Variants in VIL1 observed in about 807,000 individuals in gnomAD.
VIL1 encodes the protein villin 1, also known as villin-1.
In VIL1, 86 loss-of-function variants were observed where a neutral mutation model predicts 104.0. The observed-to-expected ratio is 0.83, with a 90% CI of 0.69 to 0.99. VIL1 has a LOEUF of 0.99. VIL1 is among the 50% of genes least tolerant of loss of function. The pLI is 0.00. For missense variants in VIL1, 944 were observed against 1,054.1 expected (o/e 0.90, Z 1.45); for synonymous variants, 394 against 412.6 (o/e 0.95, Z 0.55).
In VIL1 at chr2:218,436,769, G is replaced by A. The variant is rs1689198403; in HGVS notation, c.1971+143G>A. On this transcript the variant is annotated intron_variant, in intron 16 of 19. Coordinates refer to ENST00000248444, the MANE Select transcript of VIL1 (RefSeq NM_007127.3). ...CCTGGAAATGGTATGAACACCAGAAGTGTAAGAAAGAAGGAAGGTGGGGAG... is the reference window on the plus strand; with the variant it reads ...CCTGGAAATGGTATGAACACCAGAAATGTAAGAAAGAAGGAAGGTGGGGAG... The A allele has an allele frequency of 2.7e-6, 3 of 1,109,616 alleles. No homozygotes were observed. In the South Asian group the frequency reaches 4.8e-5, roughly 18 times the overall value. 68.7% of individuals were successfully genotyped at this position (1,109,616 alleles called of 1,614,324 possible).
rs558288904 is a variant in VIL1, at chr2:218,435,454, G to C, written c.1826+20G>C. 8.1e-6 allele frequency: 13 copies of C among 1,610,016 alleles called. No homozygotes were observed. In the African/African-American group the frequency reaches 1.1e-4, roughly 13 times the overall value. The stretch of plus-strand genomic sequence containing the variant: ...CAAGAGGTAACTCTCAGGTCCCTCC[G>C]CCTCCAGGTTACCAAGGTGGGGGAG... On this transcript the variant is annotated intron_variant, in intron 15 of 19. Coordinates refer to ENST00000248444, the MANE Select transcript of VIL1 (RefSeq NM_007127.3).
At chr2:218,431,706 C>G (rs1475070590) in intron 10 of VIL1, 151 bp from the exon 11 acceptor site, 3 of 684,280 alleles carry the variant, frequency 4.4e-6, no homozygotes, top group Middle Eastern at 2.8e-4. Context: ...CTGCCACATT[C>G]TGTGCAACCA....
At chr2:218,423,606 C>G (rs1399731062) in intron 1 of VIL1, among the ~76,000 whole-genome samples, 162 bp from the exon 2 acceptor site, 2 of 152,090 alleles carry the variant, frequency 1.3e-5, no homozygotes, top group Non-Finnish European at 2.9e-5. Flanking sequence ...GGATTTGGTA[C>G]TAAACAAGCG....
chr2:218,432,894 G>A lies in VIL1; in HGVS notation c.1443G>A (p.Met481Ile). The A allele has an allele frequency of 6.2e-7, 1 of 1,614,204 alleles. No homozygotes were observed. The highest frequency in any genetic ancestry group is 8.5e-7 in the Non-Finnish European group (1 of 1,180,040). ...NGEPVQIRVPMGKEPPHLMSI... is the reference protein window; with the variant it reads ...NGEPVQIRVPIGKEPPHLMSI... The stretch of plus-strand genomic sequence containing the variant: ...AACCAGTCCAGATCCGGGTCCCAAT[G>A]GGCAAGGAGCCACCTCATCTTATGT... The change falls in exon 13 of 20, where the codon ATG (methionine) becomes ATA (isoleucine). Residue 481 changes from methionine to isoleucine, a missense_variant. Physicochemically the swap from Met to Ile is conservative, Grantham distance 10 (BLOSUM62 1). Transcript: ENST00000248444.
At chr2:218,426,211 T>G (rs1336149881) in intron 4 of VIL1, among the ~76,000 whole-genome samples, 1 of 152,026 alleles carries the variant, frequency 6.6e-6, no homozygotes, top group Non-Finnish European at 1.5e-5. Context: ...CCATCTCTAA[T>G]GCAGGCCTAT....
rs140557536 is a variant in VIL1 at position 218,432,171 on chromosome 2, C to T, written c.1329C>T (p.Leu443=). 33 of 1,613,046 alleles carry T rather than the reference C, an allele frequency of 2.0e-5. 1 individual carries two copies. The Admixed American group carries it at 3.2e-4, about 15-fold the overall frequency. Residue 443 remains leucine, a synonymous_variant, in exon 12 of 20, where the codon CTC becomes CTT. Coordinates refer to ENST00000248444, the MANE Select transcript of VIL1 (RefSeq NM_007127.3). ...TCGGCGAGAAGCAGCATTACCTGCT[C>T]TACGTTTGGCAGGTCAGGTCCCGCC... is the stretch of plus-strand genomic sequence containing the variant. ...YLIGEKQHYL[L]YVWQGSQASQ...
Position 218,453,055 on chromosome 2 carries a change from T to A in VIL1, c.*3719T>A, listed in dbSNP as rs1381326987. On this transcript the variant is annotated 3_prime_UTR_variant, in exon 20 of 20. Coordinates refer to ENST00000248444, the MANE Select transcript of VIL1 (RefSeq NM_007127.3). ...TTGGAACATTCATTACAATAAGGTA[T>A]ATAGGTAGATGGTAGGAGGCAAAGC... 2.6e-5 allele frequency: 4 copies of A among 152,196 alleles called. No individual in the cohort carries two copies. The highest frequency in any genetic ancestry group is 4.8e-5 in the African/African-American group (2 of 41,436). 9.4% of individuals were successfully genotyped at this position (152,196 alleles called of 1,614,324 possible).
rs145460738 is a variant in VIL1, at chr2:218,420,009, G to A, written c.-12+841G>A. Reference sequence around the variant, plus strand: ...GAGGATGTCCTTTGTCTGAGGGGTGGGACTTCACCCCCACTGCCCCACCAC... The same window carrying A: ...GAGGATGTCCTTTGTCTGAGGGGTGAGACTTCACCCCCACTGCCCCACCAC... On this transcript the variant is annotated intron_variant, in intron 1 of 19. Transcript: ENST00000248444. 1.5e-4 allele frequency among the ~76,000 whole-genome samples: 23 copies of A among 152,270 alleles called. 1 individual carries two copies. Among genetic ancestry groups the A allele is most frequent in the African/African-American group, 4.8e-4 (20 of 41,558 alleles).
At chr2:218,436,226 T>C (rs1689186399) in intron 15 of VIL1, among the ~76,000 whole-genome samples, 1 of 152,092 alleles carries the variant, frequency 6.6e-6, no homozygotes, top group African/African-American at 2.4e-5. Context: ...GTAGGAGGGA[T>C]GGAGGGAAGA....
intron 1 of VIL1, among the ~76,000 whole-genome samples, chr2:218,420,550 G>T (rs978007705): frequency 6.6e-6 from 1 of 150,562 alleles, no homozygotes; most frequent in East Asian, 1.9e-4. Context: ...CCATCCCACA[G>T]TTCAGCCTTT....
rs1175590572 is a variant in VIL1, at chr2:218,425,650, C to A, written c.186C>A (p.Ile62=). The change falls in exon 4 of 20, where the codon ATC becomes ATA. Residue 62 remains isoleucine (I), a synonymous_variant. Transcript: ENST00000248444. ...HKTASSLSYD[I]HYWIGQDSSL... ...CAGCCAGCAGCCTGTCCTATGACAT[C>A]CACTACTGGATTGGCCAGGACTCAT... is the stretch of plus-strand genomic sequence containing the variant. The A allele has an allele frequency of 6.2e-7, 1 of 1,614,090 alleles. No homozygotes were observed.
Position 218,449,557 on chromosome 2 carries a change from G to T in VIL1, c.*221G>T. 2.2e-6 allele frequency: 1 copy of T among 450,844 alleles called. No homozygotes were observed. Among genetic ancestry groups the T allele is most frequent in the East Asian group, 4.2e-5 (1 of 23,868 alleles). The allele number at this position is 450,844 out of a possible 1,614,324, so 27.9% of individuals were successfully genotyped here. On this transcript the variant is annotated 3_prime_UTR_variant, in exon 20 of 20. Coordinates refer to ENST00000248444, the MANE Select transcript of VIL1 (RefSeq NM_007127.3). The stretch of plus-strand genomic sequence containing the variant: ...GGTCCTCATTTCAACTTCTAAGGTC[G>T]CTAGATTGTTTCTATCCTGAGGTAT...
At position 218,435,366 on chromosome 2, in the gene VIL1, G is replaced by T; in HGVS notation, c.1758G>T (p.Val586=). The T allele has an allele frequency of 1.9e-6, 3 of 1,614,168 alleles. No homozygotes were observed. The highest frequency in any genetic ancestry group is 2.5e-6 in the Non-Finnish European group (3 of 1,180,024). The change falls in exon 15 of 20, where the codon GTG becomes GTT. Residue 586 remains valine (V), a synonymous_variant. Coordinates refer to ENST00000248444, the MANE Select transcript of VIL1 (RefSeq NM_007127.3). The part of the protein sequence containing the change: ...TISRTEKQVV[V]EGQEPANFWM... ...CCCGGACGGAGAAGCAAGTGGTGGT[G>T]GAAGGGCAGGAGCCAGCCAACTTCT...
At position 218,429,961 on chromosome 2, in the gene VIL1, C is replaced by A. The variant is rs749981361; in HGVS notation, c.948+14C>A. The A allele has an allele frequency of 2.8e-5, 18 of 651,052 alleles. No individual in the cohort carries two copies. The highest frequency in any genetic ancestry group is 3.4e-5 in the Non-Finnish European group (15 of 437,938). 40.3% of individuals were successfully genotyped at this position (651,052 alleles called of 1,614,324 possible). A position where few individuals can be genotyped will look rare whatever the true frequency, so the allele number is the denominator to read the frequency against. On this transcript the variant is annotated intron_variant, in intron 9 of 19. Transcript: ENST00000248444. Reference sequence around the variant, plus strand: ...AGCCATGCGCTGGTAGTGGTGGGGGCGGGGGAGGGTCCAGGAGGAGGGCAG... The same window carrying A: ...AGCCATGCGCTGGTAGTGGTGGGGGAGGGGGAGGGTCCAGGAGGAGGGCAG...
At chr2:218,437,704 T>C (rs1037952591) in intron 17 of VIL1, among the ~76,000 whole-genome samples, 2 of 152,206 alleles carry the variant, frequency 1.3e-5, no homozygotes, top group East Asian at 3.8e-4. Context: ...AGCAACATGG[T>C]GGATCCTCCA....
intron 9 of VIL1, 128 bp from the exon 10 acceptor site, chr2:218,430,597 T>C: frequency 8.0e-7 from 1 of 1,253,764 alleles, no homozygotes; most frequent in Non-Finnish European, 1.1e-6. Flanking sequence ...GGATTGGGTT[T>C]GGGTTCAGTT....
chr2:218,423,895 T>TGGAGGGAGGCAAGGCCAA (rs764607096), intron 2 of VIL1, 42 bp downstream of exon 2: 1 of 1,610,338 alleles, frequency 6.2e-7, no homozygotes, highest in East Asian at 2.2e-5. Flanking sequence ...AGGCCTGGGG[T>TGGAGGGAGGCAAGGCCAA]GGAGGGAGGC....
chr2:218,420,578 G>GTTTTTTTTTTTTTTTTTT, intron 1 of VIL1, among the ~76,000 whole-genome samples: 1 of 131,264 alleles, frequency 7.6e-6, no homozygotes, highest in Non-Finnish European at 1.7e-5. Flanking sequence ...ATGAGTATTT[G>GTTTTTTTTTTTTTTTTTT]TTTTTTTTTT....
rs1460951451 is a variant in VIL1, at chr2:218,430,866, G to C, written c.1090G>C (p.Val364Leu). The C allele has an allele frequency of 6.2e-7, 1 of 1,613,090 alleles. No individual in the cohort carries two copies. The highest frequency in any genetic ancestry group is 8.5e-7 in the Non-Finnish European group (1 of 1,179,544). Reference sequence around the variant, plus strand: ...CTCAGGCCTAGGCAAAACCCACACTGTGGGCTCCGTGGGTGAGGGCCAGGC... The same window carrying C: ...CTCAGGCCTAGGCAAAACCCACACTCTGGGCTCCGTGGGTGAGGGCCAGGC... ...RTSGLGKTHT[V>L]GSVAKVEQVK... Residue 364 changes from valine (V) to leucine (L), a missense_variant, in exon 10 of 20, where the codon GTG becomes CTG. Transcript: ENST00000248444.
Sources: allele counts gnomAD v4.1 joint callset (sites outside exome capture counted in the v4.1 genomes callset), GRCh38; gene constraint gnomAD v4.1.1; transcripts MANE v1.5; gene names NCBI Gene and HGNC (gene_info 2026-07-23, HGNC 2026-07-21).